The following ASTN2 variants were observed in gnomAD, a reference collection of about 807,000 sequenced individuals.
The protein encoded by ASTN2 is astrotactin 2.
Under a neutral mutation model 139.8 loss-of-function variants are expected in ASTN2, and 54 were observed. The observed-to-expected ratio is 0.39, with a 90% CI of 0.31 to 0.48. The LOEUF (loss-of-function observed/expected upper bound fraction) is 0.48, where lower values mean the gene tolerates loss of function less well. ASTN2 is among the 20% of genes least tolerant of loss of function. The pLI, the probability that ASTN2 is intolerant of heterozygous loss-of-function variation, is 0.95. For synonymous variants in ASTN2, 756 were observed against 719.5 expected (o/e 1.05, Z -0.81); for missense variants, 1,565 against 1,725.1 (o/e 0.91, Z 1.64).
At chr9:117,159,311 A>G (rs1830496707) in intron 3 of ASTN2, among the ~76,000 whole-genome samples, 1 of 151,968 alleles carries the variant, frequency 6.6e-6, no homozygotes, top group South Asian at 2.1e-4. Context: ...TTATAAAAAC[A>G]TTGGAAGCTC....
chr9:116,566,412 A>T (rs950714947), intron 19 of ASTN2, among the ~76,000 whole-genome samples: 5 of 152,078 alleles, frequency 3.3e-5, no homozygotes, highest in Admixed American at 2.6e-4. Flanking sequence ...TTTTCACATT[A>T]TCCTGAATAT....
At chr9:116,569,306 G>A (rs1161527821) in intron 19 of ASTN2, among the ~76,000 whole-genome samples, 2 of 152,200 alleles carry the variant, frequency 1.3e-5, no homozygotes, top group Non-Finnish European at 2.9e-5. Flanking sequence ...TATAGTGCAG[G>A]CCTAACAGAA....
Position 116,424,507 on chromosome 9 carries a change from G to A in ASTN2, c.*1344C>T, listed in dbSNP as rs1847253701. Among the ~76,000 whole-genome samples, 1 of 152,014 alleles carries A rather than the reference G, an allele frequency of 6.6e-6. No homozygotes were observed. The highest frequency in any genetic ancestry group is 1.5e-5 in the Non-Finnish European group (1 of 67,996). ...TTCCTATTTTGATCCCTACTCTTAA[G>A]GAAAGTTTTCAGTCCTTGAAAGAGG... is the stretch of plus-strand genomic sequence containing the variant. On this transcript the variant is annotated 3_prime_UTR_variant, in exon 23 of 23. Transcript: ENST00000313400.
At chr9:116,731,885 C>A (rs1828794450) in intron 14 of ASTN2, among the ~76,000 whole-genome samples, 1 of 150,692 alleles carries the variant, frequency 6.6e-6, no homozygotes. Context: ...CTCCCCATCA[C>A]TGGGGGTATC....
intron 16 of ASTN2, among the ~76,000 whole-genome samples, chr9:116,714,575 A>C (rs914651247): frequency 6.6e-6 from 1 of 152,228 alleles, no homozygotes; most frequent in Non-Finnish European, 1.5e-5. Context: ...AATTATACCC[A>C]TGTTAAAGAT....
chr9:117,215,246 G>A (rs1832275971), intron 2 of ASTN2, among the ~76,000 whole-genome samples: 1 of 152,144 alleles, frequency 6.6e-6, no homozygotes, highest in Admixed American at 6.5e-5. Context: ...GACAGTAGTA[G>A]GCTGTCTTAC....
chr9:117,253,253 T>A (rs1402052067), intron 2 of ASTN2, among the ~76,000 whole-genome samples: 1 of 152,132 alleles, frequency 6.6e-6, no homozygotes, highest in African/African-American at 2.4e-5. Context: ...GCTACAGTGA[T>A]CTCCCAGATC....
intron 22 of ASTN2, among the ~76,000 whole-genome samples, chr9:116,435,905 C>T (rs887588700): frequency 4.2e-4 from 64 of 151,896 alleles, no homozygotes; most frequent in Non-Finnish European, 8.8e-5. Context: ...AGACCTAACC[C>T]AGACTACTGA....
chr9:117,238,012 C>T (rs1365506380), intron 2 of ASTN2, among the ~76,000 whole-genome samples: 1 of 152,160 alleles, frequency 6.6e-6, no homozygotes, highest in Non-Finnish European at 1.5e-5. Context: ...TGCCATTGGT[C>T]ATAGCTGAGG....
At chr9:116,921,707 A>T (rs1834616099) in intron 10 of ASTN2, among the ~76,000 whole-genome samples, 1 of 152,094 alleles carries the variant, frequency 6.6e-6, no homozygotes, top group Non-Finnish European at 1.5e-5. Context: ...TCGTGTTGGA[A>T]GGGGAAGCAG....
chr9:117,381,119 G>C (rs1830259357), intron 1 of ASTN2, among the ~76,000 whole-genome samples: 1 of 152,134 alleles, frequency 6.6e-6, no homozygotes, highest in Admixed American at 6.5e-5. Context: ...AACATTTCTA[G>C]GTGAAAGAAG....
chr9:116,962,205 G>T (rs181648493), intron 10 of ASTN2, among the ~76,000 whole-genome samples: 1 of 152,280 alleles, frequency 6.6e-6, no homozygotes, highest in African/African-American at 2.4e-5. Flanking sequence ...ACTCACCTGG[G>T]ACTTGTTCTC....
At position 117,246,042 on chromosome 9, in the gene ASTN2, C is replaced by T. The variant is rs147252084; in HGVS notation, c.631-31300G>A. Among the ~76,000 whole-genome samples, 1,329 of 152,274 alleles carry T rather than the reference C, an allele frequency of 8.7e-3. 6 individuals carry two copies. The highest frequency in any genetic ancestry group is 9.9e-3 in the Non-Finnish European group (674 of 68,024). ...TTACAACTATGTCCCTGATGCGTGGCATAGTGCATGGCACAGACAAGACAA... is the reference window on the plus strand; with the variant it reads ...TTACAACTATGTCCCTGATGCGTGGTATAGTGCATGGCACAGACAAGACAA... On this transcript the variant is annotated intron_variant, in intron 2 of 22. Coordinates refer to ENST00000313400, the MANE Select transcript of ASTN2 (RefSeq NM_001365068.1).
chr9:116,557,606 G>T (rs1852697995), intron 19 of ASTN2: 2 of 152,170 alleles, frequency 1.3e-5, no homozygotes, highest in Admixed American at 1.3e-4. Context: ...TCTCAATTTA[G>T]ATGGAGACAT....
intron 16 of ASTN2, chr9:116,687,001 T>C (rs1403719791): frequency 1.4e-6 from 2 of 1,415,646 alleles, no homozygotes; most frequent in East Asian, 5.3e-5. Flanking sequence ...GAGGCTACCG[T>C]TTTGTGAAGG....
intron 10 of ASTN2, among the ~76,000 whole-genome samples, chr9:116,974,984 A>C (rs1359791239): frequency 6.6e-6 from 1 of 152,202 alleles, no homozygotes; most frequent in Non-Finnish European, 1.5e-5. Flanking sequence ...CCTCTTTTAT[A>C]TTTAATATAA....
chr9:117,414,714 G>T lies in ASTN2; in HGVS notation c.225C>A (p.Ala75=). The part of the protein sequence containing the change: ...LKTVTVSTLP[A]LRESDIGWSG... ...TCCAGCCGATGTCGCTCTCCCGCAG[G>T]GCGGGCAGTGTGGACACCGTGACGG... The change falls in exon 1 of 23, where the codon GCC becomes GCA. Residue 75 remains alanine (A), a synonymous_variant. Transcript: ENST00000313400. The surrounding 1 kb of genome is among the most constrained non-coding windows in gnomAD (Gnocchi z 4.2). The T allele has an allele frequency of 7.8e-7, 1 of 1,274,240 alleles. No homozygotes were observed. Among genetic ancestry groups the T allele is most frequent in the Non-Finnish European group, 9.9e-7 (1 of 1,010,124 alleles). The allele number at this position is 1,274,240 out of a possible 1,614,324, so 78.9% of individuals were successfully genotyped here.
At chr9:116,464,134 T>A (rs1245539659) in intron 20 of ASTN2, among the ~76,000 whole-genome samples, 1 of 152,068 alleles carries the variant, frequency 6.6e-6, no homozygotes, top group East Asian at 1.9e-4. Flanking sequence ...AATGGTTGAA[T>A]GTATATTTGT....
Position 117,062,138 on chromosome 9 carries a change from G to T in ASTN2, c.1277-22173C>A, listed in dbSNP as rs1587919637. 3.3e-5 allele frequency among the ~76,000 whole-genome samples: 5 copies of T among 152,216 alleles called. No individual in the cohort carries two copies. In the South Asian group the frequency reaches 1.0e-3, roughly 32 times the overall value. On this transcript the variant is annotated intron_variant, in intron 5 of 22. Transcript: ENST00000313400. Reference sequence around the variant, plus strand: ...AACGAGGGGCATGACTTTATTTGAGGGGCCAACTCCAGCAGGATTGGCCCT... The same window carrying T: ...AACGAGGGGCATGACTTTATTTGAGTGGCCAACTCCAGCAGGATTGGCCCT...
Sources: allele counts gnomAD v4.1 joint callset (sites outside exome capture counted in the v4.1 genomes callset), GRCh38; gene constraint gnomAD v4.1.1; non-coding constraint Gnocchi (gnomAD v3.1); transcripts MANE v1.5; gene names NCBI Gene and HGNC (gene_info 2026-07-23, HGNC 2026-07-21).